The following ASXL3 variants were observed in gnomAD, a reference collection of about 807,000 sequenced individuals.
ASXL3 encodes putative Polycomb group protein ASXL3.
In ASXL3, 34 loss-of-function variants were observed where a neutral mutation model predicts 170.6. The ratio of observed to expected loss-of-function variants is 0.20; its 90% CI spans 0.15 to 0.27. ASXL3 has a LOEUF of 0.27. Among genes scored for constraint, ASXL3 ranks in the 10% least tolerant of loss-of-function variants. The pLI is 1.00. For synonymous variants in ASXL3, 1,002 were observed against 989.1 expected (o/e 1.01, Z -0.24); for missense variants, 2,592 against 2,695.3 (o/e 0.96, Z 0.85).
chr18:33,715,389 A>C (rs1341566927), intron 8 of ASXL3, among the ~76,000 whole-genome samples: 2 of 152,194 alleles, frequency 1.3e-5, no homozygotes, highest in Admixed American at 1.3e-4. Context: ...TTAGCATATT[A>C]AAAAATAGTA....
chr18:33,654,821 A>G (rs1409355665), intron 4 of ASXL3, among the ~76,000 whole-genome samples: 1 of 152,090 alleles, frequency 6.6e-6, no homozygotes, highest in African/African-American at 2.4e-5. Context: ...AAAGGCTGGT[A>G]ACTACAATAT....
intron 8 of ASXL3, among the ~76,000 whole-genome samples, chr18:33,684,003 A>G (rs1053160236): frequency 5.9e-5 from 9 of 152,202 alleles, no homozygotes; most frequent in Admixed American, 2.0e-4. Flanking sequence ...GCTCTCTGAG[A>G]GTCTATCAGT....
intron 2 of ASXL3, among the ~76,000 whole-genome samples, chr18:33,615,817 T>TTA (rs2145141310): frequency 6.6e-6 from 1 of 152,282 alleles, no homozygotes; most frequent in African/African-American, 2.4e-5. Context: ...ACTATAGGGC[T>TTA]TATATATGAA....
At chr18:33,591,401 C>G (rs1331230324) in intron 1 of ASXL3, among the ~76,000 whole-genome samples, 1 of 152,102 alleles carries the variant, frequency 6.6e-6, no homozygotes, top group African/African-American at 2.4e-5. Flanking sequence ...CTGGATCCAC[C>G]AGGATCTTTA....
At chr18:33,682,588 A>G (rs1389067) in intron 7 of ASXL3, among the ~76,000 whole-genome samples, 101,590 of 151,940 alleles carry the variant, frequency 0.67, 34,958 homozygotes, top group East Asian at 0.98. Context: ...TCACTCTGTC[A>G]CTGAGGCTGA....
intron 8 of ASXL3, among the ~76,000 whole-genome samples, chr18:33,707,485 GT>G (rs2066980554): frequency 6.6e-6 from 1 of 151,028 alleles, no homozygotes; most frequent in Non-Finnish European, 1.5e-5. Context: ...ATTATAAATT[GT>G]TGCTATTTTT....
At chr18:33,729,971 G>A (rs1599552257) in intron 8 of ASXL3, among the ~76,000 whole-genome samples, 1 of 152,200 alleles carries the variant, frequency 6.6e-6, no homozygotes, top group Middle Eastern at 3.4e-3. Flanking sequence ...AGGGCTGATT[G>A]ATTATCCTAT....
chr18:33,614,816 G>A (rs1041700678), intron 2 of ASXL3: 5 of 151,634 alleles, frequency 3.3e-5, no homozygotes, highest in Admixed American at 3.3e-4. Flanking sequence ...TATTTTGAAA[G>A]GAATCTTTTT....
At chr18:33,647,807 A>C (rs1051215712) in intron 4 of ASXL3, among the ~76,000 whole-genome samples, 3 of 152,086 alleles carry the variant, frequency 2.0e-5, no homozygotes, top group Non-Finnish European at 2.9e-5. Context: ...TAAATATCTA[A>C]AATGTATAGG....
intron 2 of ASXL3, among the ~76,000 whole-genome samples, chr18:33,617,453 C>G (rs985718649): frequency 3.3e-5 from 5 of 152,012 alleles, no homozygotes; most frequent in Non-Finnish European, 7.4e-5. Context: ...ATGATGCCAC[C>G]GCACTCCAGC....
At chr18:33,717,286 T>C (rs1335324846) in intron 8 of ASXL3, among the ~76,000 whole-genome samples, 2 of 152,176 alleles carry the variant, frequency 1.3e-5, no homozygotes, top group African/African-American at 4.8e-5. Flanking sequence ...GAGTCACTTC[T>C]GATTGTTGCT....
chr18:33,603,707 C>T (rs1451472395), intron 1 of ASXL3, among the ~76,000 whole-genome samples: 1 of 151,944 alleles, frequency 6.6e-6, no homozygotes. Flanking sequence ...GAATTTGAAA[C>T]CTTTCATGGA....
At chr18:33,731,656 C>T (rs766504631) in intron 8 of ASXL3, among the ~76,000 whole-genome samples, 2 of 152,100 alleles carry the variant, frequency 1.3e-5, no homozygotes, top group Non-Finnish European at 2.9e-5. Context: ...ACATAAGAAG[C>T]CAGCCAAGGA....
At chr18:33,632,649 C>A (rs2065696806) in intron 2 of ASXL3, among the ~76,000 whole-genome samples, 1 of 152,142 alleles carries the variant, frequency 6.6e-6, no homozygotes, top group South Asian at 2.1e-4. Flanking sequence ...AAGAAAAAAC[C>A]AGCCTACTGT....
chr18:33,687,760 C>T (rs1005837765), intron 8 of ASXL3, among the ~76,000 whole-genome samples: 2 of 152,134 alleles, frequency 1.3e-5, no homozygotes, highest in African/African-American at 4.8e-5. Flanking sequence ...GTTGTTTCAT[C>T]ACATTGCTGC....
intron 8 of ASXL3, among the ~76,000 whole-genome samples, chr18:33,716,755 T>G (rs2067171279): frequency 6.6e-6 from 1 of 152,180 alleles, no homozygotes; most frequent in Non-Finnish European, 1.5e-5. Flanking sequence ...TCTTAGGCTT[T>G]CTTTGCAAAT....
Position 33,689,209 on chromosome 18 carries a change from G to C in ASXL3, c.879+5641G>C, listed in dbSNP as rs555597615. Among the ~76,000 whole-genome samples the C allele has an allele frequency of 1.0e-3, 154 of 152,280 alleles. 1 individual carries two copies. Among genetic ancestry groups the C allele is most frequent in the Non-Finnish European group, 1.7e-3 (115 of 68,022 alleles). On this transcript the variant is annotated intron_variant, in intron 8 of 11. Transcript: ENST00000269197. Reference sequence around the variant, plus strand: ...GGGTTTCGCCATGTTGGCCAGACTAGTTTTGAACTCCTGACCTCAGGTGAT... The same window carrying C: ...GGGTTTCGCCATGTTGGCCAGACTACTTTTGAACTCCTGACCTCAGGTGAT...
intron 8 of ASXL3, among the ~76,000 whole-genome samples, chr18:33,694,660 C>A (rs903416872): frequency 2.6e-5 from 4 of 151,878 alleles, no homozygotes; most frequent in African/African-American, 9.7e-5. Flanking sequence ...TTACTAAACT[C>A]TCAATTCTTT....
intron 5 of ASXL3, among the ~76,000 whole-genome samples, chr18:33,665,175 T>TA (rs2066237337): frequency 6.6e-6 from 1 of 152,218 alleles, no homozygotes; most frequent in Non-Finnish European, 1.5e-5. Flanking sequence ...TGAGTTGTGT[T>TA]ACAGCAAGTG....
Sources: gnomAD v4.1 joint callset for allele counts (sites outside exome capture counted in the v4.1 genomes callset) on GRCh38, gnomAD v4.1.1 for gene constraint, MANE v1.5 for transcripts, NCBI Gene and HGNC (gene_info 2026-07-23, HGNC 2026-07-21) for gene names.